The following AOPEP variants were observed in gnomAD, a reference collection of about 807,000 sequenced individuals.
AOPEP encodes aminopeptidase O.
In AOPEP, 77 loss-of-function variants were observed where a neutral mutation model predicts 98.1. That is an observed-to-expected ratio of 0.78 (90% confidence interval 0.65 to 0.95). AOPEP has a LOEUF of 0.95. AOPEP is among the 40% of genes least tolerant of loss of function. The pLI is 0.00. For missense variants in AOPEP, 1,024 were observed against 1,024.7 expected (o/e 1.00, Z 0.01); for synonymous variants, 346 against 365.3 (o/e 0.95, Z 0.60).
intron 5 of AOPEP, among the ~76,000 whole-genome samples, chr9:94,884,861 T>C (rs2048015116): frequency 6.7e-6 from 1 of 149,202 alleles, no homozygotes; most frequent in Non-Finnish European, 1.5e-5. Context: ...ATATAAAAAT[T>C]AGCTGGGCGT....
intron 5 of AOPEP, among the ~76,000 whole-genome samples, chr9:94,839,247 G>A (rs1323912231): frequency 2.0e-5 from 3 of 151,872 alleles, no homozygotes; most frequent in South Asian, 2.1e-4. Context: ...CACCACACCC[G>A]GCTAATTTTT....
At chr9:94,986,251 C>T (rs71498684) in intron 11 of AOPEP, among the ~76,000 whole-genome samples, 2 of 152,172 alleles carry the variant, frequency 1.3e-5, no homozygotes, top group Non-Finnish European at 2.9e-5. Flanking sequence ...CTTACCTGCT[C>T]TTTTTATAAG....
chr9:95,020,660 A>G (rs902577439), intron 13 of AOPEP, among the ~76,000 whole-genome samples: 3 of 151,864 alleles, frequency 2.0e-5, no homozygotes, highest in African/African-American at 7.3e-5. Context: ...GCTCACGCCT[A>G]TAGTTTCAGC....
At chr9:95,012,204 T>C (rs954461557) in intron 13 of AOPEP, among the ~76,000 whole-genome samples, 9 of 152,208 alleles carry the variant, frequency 5.9e-5, no homozygotes, top group Non-Finnish European at 1.2e-4. Context: ...AAATTCTCTT[T>C]AGTGCAGGTT....
At chr9:95,107,281 T>C in the AOPEP span, 2 of 1,612,730 alleles carry the variant, frequency 1.2e-6, no homozygotes, top group Non-Finnish European at 8.5e-7. Flanking sequence ...TGGGCAATAG[T>C]ATTTCACAGG....
intron 5 of AOPEP, among the ~76,000 whole-genome samples, chr9:94,855,188 C>T (rs2044025876): frequency 6.6e-6 from 1 of 152,082 alleles, no homozygotes. Flanking sequence ...AGCGATTCTC[C>T]TACCTCAGCC....
the AOPEP span, among the ~76,000 whole-genome samples, chr9:95,095,846 T>C: frequency 1.4e-5 from 2 of 139,844 alleles, no homozygotes; most frequent in African/African-American, 2.6e-5. Flanking sequence ...CGCAGGGGTG[T>C]GGGTGGGCCG....
intron 1 of AOPEP, among the ~76,000 whole-genome samples, chr9:94,744,446 A>G (rs1309064905): frequency 6.6e-6 from 1 of 151,902 alleles, no homozygotes; most frequent in African/African-American, 2.4e-5. Flanking sequence ...CATGCCTGTA[A>G]TCCTAGCACT....
At chr9:95,044,135 C>T (rs2133644774) in intron 13 of AOPEP, among the ~76,000 whole-genome samples, 1 of 152,330 alleles carries the variant, frequency 6.6e-6, no homozygotes, top group Non-Finnish European at 1.5e-5. Context: ...CTGTCAACAG[C>T]TTCCTAGGGA....
At chr9:94,895,947 G>A (rs112761109) in intron 5 of AOPEP, among the ~76,000 whole-genome samples, 13 of 152,296 alleles carry the variant, frequency 8.5e-5, no homozygotes, top group African/African-American at 2.6e-4. Context: ...GCAGAAATGA[G>A]TAGTTGTGAC....
intron 5 of AOPEP, among the ~76,000 whole-genome samples, chr9:94,832,663 C>A (rs1856250539): frequency 6.6e-6 from 1 of 152,160 alleles, no homozygotes; most frequent in African/African-American, 2.4e-5. Context: ...GATATCCACA[C>A]AATGCAGCAC....
At chr9:94,933,171 G>A in intron 7 of AOPEP, 1 of 985,636 alleles carries the variant, frequency 1.0e-6, no homozygotes, top group Non-Finnish European at 1.2e-6. Flanking sequence ...TGCCTACAAG[G>A]TCCCCTCCTG....
At chr9:94,978,763 C>T (rs922354488) in intron 10 of AOPEP, among the ~76,000 whole-genome samples, 11 of 152,064 alleles carry the variant, frequency 7.2e-5, no homozygotes, top group Admixed American at 1.3e-4. Context: ...CTCAAGTCAG[C>T]GGGGCATGAA....
intron 1 of AOPEP, among the ~76,000 whole-genome samples, chr9:94,729,513 C>T (rs1280010692): frequency 6.6e-6 from 1 of 150,544 alleles, no homozygotes; most frequent in Non-Finnish European, 1.5e-5. Flanking sequence ...GTCGAGGCTG[C>T]AGTGAGCTGT....
chr9:94,991,846 A>G (rs754590106), intron 11 of AOPEP, among the ~76,000 whole-genome samples: 7 of 152,226 alleles, frequency 4.6e-5, no homozygotes, highest in Non-Finnish European at 8.8e-5. Flanking sequence ...CCATTGCATC[A>G]AAAAGCTGGT....
At chr9:95,028,877 G>T (rs533267446) in intron 13 of AOPEP, among the ~76,000 whole-genome samples, 3 of 152,172 alleles carry the variant, frequency 2.0e-5, no homozygotes, top group Non-Finnish European at 4.4e-5. Context: ...GCCCAATTGT[G>T]TATATTATTT....
At chr9:94,803,035 A>G (rs356123) in intron 5 of AOPEP, among the ~76,000 whole-genome samples, 34,360 of 151,980 alleles carry the variant, frequency 0.23, 5,628 homozygotes, top group African/African-American at 0.46. Context: ...TATGGTCGAG[A>G]CTTTGCTTGA....
At chr9:95,033,336 C>T (rs534544087) in intron 13 of AOPEP, among the ~76,000 whole-genome samples, 1 of 152,258 alleles carries the variant, frequency 6.6e-6, no homozygotes, top group South Asian at 2.1e-4. Context: ...TCTCTTACCC[C>T]CTAAAACCCC....
At chr9:94,920,498 G>A (rs2136715047) in intron 5 of AOPEP, among the ~76,000 whole-genome samples, 1 of 152,274 alleles carries the variant, frequency 6.6e-6, no homozygotes, top group East Asian at 1.9e-4. Flanking sequence ...CATCTAGCCA[G>A]GGCCGCCAAG....
Sources: gnomAD v4.1 joint callset for allele counts (sites outside exome capture counted in the v4.1 genomes callset) on GRCh38, gnomAD v4.1.1 for gene constraint, MANE v1.5 for transcripts, NCBI Gene and HGNC (gene_info 2026-07-23, HGNC 2026-07-21) for gene names.